The following NDRG2 variants were observed in gnomAD, a reference collection of about 807,000 sequenced individuals.
NDRG2 encodes the protein protein NDRG2.
NDRG2 carries 34 observed loss-of-function variants against 58.2 expected under a neutral mutation model. The ratio of observed to expected loss-of-function variants is 0.58; its 90% confidence interval spans 0.44 to 0.78. The LOEUF (loss-of-function observed/expected upper bound fraction) is 0.78. Ranked by LOEUF, NDRG2 falls within the 30% of genes least tolerant of loss-of-function variation. The pLI is 0.00. For missense variants in NDRG2, 434 were observed against 471.2 expected (o/e 0.92, Z 0.73); for synonymous variants, 187 against 175.9 (o/e 1.06, Z -0.50).
In NDRG2 at chr14:21,017,204, C is replaced by G. The variant is rs888441724; in HGVS notation, c.*392G>C. On this transcript the variant is annotated 3_prime_UTR_variant, in exon 16 of 16. Transcript: ENST00000556147. ...TCAGCTTTGGTGAATGGAGCCCCAG[C>G]CCCAAATCCCCTCCCCTTGCAAATA... 2 of 364,634 alleles carry G rather than the reference C, an allele frequency of 5.5e-6. No individual in the cohort carries two copies. Among genetic ancestry groups the G allele is most frequent in the African/African-American group, 4.2e-5 (2 of 47,184 alleles). The allele number at this position is 364,634 out of a possible 1,614,324, so 22.6% of individuals were successfully genotyped here.
intron 1 of NDRG2, among the ~76,000 whole-genome samples, chr14:21,045,870 G>A (rs1190354581): frequency 2.0e-5 from 3 of 152,292 alleles, no homozygotes; most frequent in East Asian, 3.9e-4. Flanking sequence ...GCATGGGGGA[G>A]CCTTCTGAGG....
upstream of NDRG2, chr14:21,025,391 GACCTGGA>G (rs936650191): frequency 1.6e-5 from 16 of 985,430 alleles, no homozygotes; most frequent in African/African-American, 2.8e-4. This position sits in a 1 kb window ranked among gnomAD's most constrained non-coding sequence, Gnocchi z 5.1. Context: ...CCCCATCCAC[GACCTGGA>G]TCTGCAATTG....
Position 21,024,383 on chromosome 14 carries a change from C to T in NDRG2, c.-360G>A. The T allele has an allele frequency of 1.1e-6, 1 of 919,128 alleles. No homozygotes were observed. 56.9% of individuals were successfully genotyped at this position (919,128 alleles called of 1,614,324 possible). ...CCTGTCAGAACCTCCGGATTCGAAT[C>T]CCGGCTCTGCCACTCCCAGTGTGAC... On this transcript the variant is annotated 5_prime_UTR_variant, in exon 1 of 16. Transcript: ENST00000556147.
intron 6 of NDRG2, chr14:21,021,220 G>C: frequency 2.5e-6 from 1 of 400,666 alleles, no homozygotes; most frequent in Non-Finnish European, 4.9e-6. Context: ...CGGGAAGAAT[G>C]GAACTTAAAG....
At chr14:21,025,073 G>C (rs1226646891), upstream of NDRG2, 5 of 985,592 alleles carry the variant, frequency 5.1e-6, no homozygotes, top group East Asian at 1.1e-4. This position sits in a 1 kb window ranked among gnomAD's most constrained non-coding sequence, Gnocchi z 5.1. Context: ...CCTTTGACTC[G>C]GGCCCGCCCC....
intron 1 of NDRG2, chr14:21,043,305 T>C (rs1343845814): frequency 6.2e-7 from 1 of 1,614,126 alleles, no homozygotes; most frequent in South Asian, 1.1e-5. Flanking sequence ...CGGGGCCGTG[T>C]CCCTGACCAT....
chr14:21,031,594 G>C (rs1226680767), intron 1 of NDRG2, among the ~76,000 whole-genome samples: 1 of 152,028 alleles, frequency 6.6e-6, no homozygotes, highest in Non-Finnish European at 1.5e-5. Flanking sequence ...CGGGGAGTGG[G>C]AGTGAAGTCC....
At chr14:21,029,714 G>T (rs1306218598), upstream of NDRG2, among the ~76,000 whole-genome samples, 1 of 152,150 alleles carries the variant, frequency 6.6e-6, no homozygotes, top group Non-Finnish European at 1.5e-5. Flanking sequence ...TTCTGAATGG[G>T]ATTCATACCC....
intron 8 of NDRG2, 48 bp from the exon 9 acceptor site, chr14:21,020,024 A>T: frequency 6.4e-7 from 1 of 1,562,606 alleles, no homozygotes; most frequent in Non-Finnish European, 8.8e-7. Flanking sequence ...GGCCAGGCAC[A>T]GTGGCTCACG....
In NDRG2 at chr14:21,070,534, TC is replaced by T; in HGVS notation, c.24+293del. 2 of 1,071,942 alleles carry T rather than the reference TC, an allele frequency of 1.9e-6. No individual in the cohort carries two copies. Among genetic ancestry groups the T allele is most frequent in the Non-Finnish European group, 2.5e-6 (2 of 788,814 alleles). The allele number at this position is 1,071,942 out of a possible 1,614,324, so 66.4% of individuals were successfully genotyped here. A position where few individuals can be genotyped will look rare whatever the true frequency, so the allele number is the denominator to read the frequency against. ...CCCTCTGGGACTCTCCTCCCTCCCATCCCCCCTTCTTCGATTTGTCTGTCTG... is the reference window on the plus strand; with the variant it reads ...CCCTCTGGGACTCTCCTCCCTCCCATCCCCCTTCTTCGATTTGTCTGTCTG... On this transcript the variant is annotated intron_variant, in intron 1 of 14. Coordinates refer to the NDRG2 transcript ENST00000403829. The surrounding 1 kb of genome is among the most constrained non-coding windows in gnomAD (Gnocchi z 4.7).
chr14:21,021,054 C>G, intron 6 of NDRG2: 1 of 676,232 alleles, frequency 1.5e-6, no homozygotes, highest in Non-Finnish European at 2.7e-6. Flanking sequence ...AGTCTATCCC[C>G]AGCTTTCTGC....
chr14:21,039,028 C>T (rs913309407), intron 1 of NDRG2, among the ~76,000 whole-genome samples: 2 of 152,192 alleles, frequency 1.3e-5, no homozygotes, highest in African/African-American at 4.8e-5. Flanking sequence ...GATAACAGAA[C>T]TTGGATCTGC....
At chr14:21,061,092 T>C (rs896701747) in intron 1 of NDRG2, among the ~76,000 whole-genome samples, 11 of 152,176 alleles carry the variant, frequency 7.2e-5, no homozygotes, top group Non-Finnish European at 1.5e-4. Flanking sequence ...AGTAATAAGA[T>C]AGAAAAGAAG....
At chr14:21,026,493 C>T (rs1192837891), upstream of NDRG2, among the ~76,000 whole-genome samples, 4 of 150,392 alleles carry the variant, frequency 2.7e-5, no homozygotes, top group Non-Finnish European at 5.9e-5. Context: ...CCCCTCCTGC[C>T]TGGGAACCAC....
At chr14:21,032,306 T>G in intron 1 of NDRG2, 1 of 627,398 alleles carries the variant, frequency 1.6e-6, no homozygotes, top group Non-Finnish European at 3.0e-6. Flanking sequence ...TCAGTTAGCA[T>G]TCCTCCTCAA....
chr14:21,022,725 G>T, intron 3 of NDRG2, 139 bp downstream of exon 3: 1 of 769,926 alleles, frequency 1.3e-6, no homozygotes, highest in South Asian at 1.8e-5. Flanking sequence ...GGAAGGAGAG[G>T]GGAGAGATAG....
intron 1 of NDRG2, among the ~76,000 whole-genome samples, chr14:21,068,836 TG>T (rs1886441823): frequency 6.6e-6 from 1 of 152,232 alleles, no homozygotes; most frequent in Non-Finnish European, 1.5e-5. Context: ...GATGAACACT[TG>T]CTCTGTCCTT....
intron 1 of NDRG2, chr14:21,032,569 T>C (rs1315432959): frequency 1.2e-5 from 4 of 346,410 alleles, no homozygotes; most frequent in East Asian, 8.4e-5. Context: ...AGAAGCCAGC[T>C]AAGGTTGCCT....
chr14:21,057,759 A>G, intron 1 of NDRG2: 2 of 749,682 alleles, frequency 2.7e-6, no homozygotes, highest in South Asian at 1.9e-5. Context: ...GGTGTTCAAT[A>G]TCTTAGGCTG....
Sources: gnomAD v4.1 joint callset for allele counts (sites outside exome capture counted in the v4.1 genomes callset) on GRCh38, gnomAD v4.1.1 for gene constraint, Gnocchi (gnomAD v3.1) non-coding constraint, MANE v1.5 for transcripts, NCBI Gene and HGNC (gene_info 2026-07-23, HGNC 2026-07-21) for gene names.